Variants in GLIS3 observed in about 807,000 individuals in gnomAD.
GLIS3 encodes GLIS family zinc finger 3.
A neutral mutation model predicts 78.6 loss-of-function variants in GLIS3; 53 were observed. The observed-to-expected ratio is 0.67, with a 90% CI of 0.54 to 0.85. The LOEUF (loss-of-function observed/expected upper bound fraction) is 0.85, where lower values mean the gene tolerates loss of function less well. Among genes scored for constraint, GLIS3 ranks in the 40% least tolerant of loss-of-function variants. The pLI is 0.00. For synonymous variants in GLIS3, 684 were observed against 509.9 expected (o/e 1.34, Z -4.60); for missense variants, 1,703 against 1,231.1 (o/e 1.38, Z -5.74).
intron 4 of GLIS3, among the ~76,000 whole-genome samples, chr9:4,010,733 T>C (rs1040997144): frequency 6.6e-6 from 1 of 152,194 alleles, no homozygotes; most frequent in African/African-American, 2.4e-5. Flanking sequence ...CCCTGTCCCA[T>C]GCTCCACCAG....
At chr9:4,081,066 T>A (rs1828519996) in intron 4 of GLIS3, among the ~76,000 whole-genome samples, 1 of 152,198 alleles carries the variant, frequency 6.6e-6, no homozygotes, top group Admixed American at 6.5e-5. Context: ...GAGGGTAGAA[T>A]CTGCCCCAGA....
At chr9:4,107,298 C>T (rs1005607642) in intron 4 of GLIS3, among the ~76,000 whole-genome samples, 6 of 152,154 alleles carry the variant, frequency 3.9e-5, no homozygotes, top group African/African-American at 1.4e-4. Flanking sequence ...TCCTCCTGGA[C>T]ACACAGGAAG....
intron 4 of GLIS3, among the ~76,000 whole-genome samples, chr9:3,964,691 G>A (rs1339534162): frequency 2.0e-5 from 3 of 152,070 alleles, no homozygotes; most frequent in Non-Finnish European, 4.4e-5. Context: ...TAAGACACAG[G>A]GACAGAATTT....
the GLIS3 span, among the ~76,000 whole-genome samples, chr9:4,467,852 G>C: frequency 6.6e-6 from 1 of 152,202 alleles, no homozygotes; most frequent in Non-Finnish European, 1.5e-5. Flanking sequence ...AGCTAAAGGA[G>C]GATGATCAAA....
chr9:4,397,016 CTTTTTTTCTTTTTTT>C, the GLIS3 span, among the ~76,000 whole-genome samples: 4 of 133,382 alleles, frequency 3.0e-5, no homozygotes, highest in South Asian at 2.4e-4. Flanking sequence ...ATCCTTTTTT[CTTTTTTTCTTTTTTT>C]TTTTTTTTTT....
chr9:4,085,803 A>G (rs750646535), intron 4 of GLIS3, among the ~76,000 whole-genome samples: 179 of 152,212 alleles, frequency 1.2e-3, no homozygotes, highest in African/African-American at 4.2e-3. Flanking sequence ...GCTTTTGCTA[A>G]GTGATGTTCA....
At chr9:3,843,897 G>A (rs1818877506) in intron 9 of GLIS3, among the ~76,000 whole-genome samples, 1 of 152,172 alleles carries the variant, frequency 6.6e-6, no homozygotes, top group Non-Finnish European at 1.5e-5. Flanking sequence ...TCATACTTAA[G>A]TGAACTAGAA....
intron 7 of GLIS3, among the ~76,000 whole-genome samples, chr9:3,883,357 G>A (rs1821863750): frequency 6.6e-6 from 1 of 152,174 alleles, no homozygotes; most frequent in Non-Finnish European, 1.5e-5. Flanking sequence ...CTCCATTAAT[G>A]TTTTAAGTCT....
At chr9:4,140,230 G>A (rs1833708227) in intron 2 of GLIS3, among the ~76,000 whole-genome samples, 1 of 152,072 alleles carries the variant, frequency 6.6e-6, no homozygotes, top group Non-Finnish European at 1.5e-5. Context: ...GGGCTAAGGT[G>A]GGAAAATTGC....
chr9:4,321,338 C>T lies in GLIS3; in HGVS notation n.265-10810G>A, dbSNP rs71490230. 1.2e-4 allele frequency among the ~76,000 whole-genome samples: 15 copies of T among 121,172 alleles called. 1 individual carries two copies. The highest frequency in any genetic ancestry group is 2.0e-4 in the Non-Finnish European group (13 of 64,580). The allele number at this position is 121,172 out of a possible 152,430, so 79.5% of individuals were successfully genotyped here. A position where few individuals can be genotyped will look rare whatever the true frequency, so the allele number is the denominator to read the frequency against. On this transcript the variant is annotated intron_variant and non_coding_transcript_variant, in intron 2 of 4. Transcript: ENST00000471664. ...TCGGGAGGCTGAGGCAGGAGAATGG[C>T]GTGAACCCAGGAGGCGGAGCTTGCA...
chr9:4,451,482 C>G, the GLIS3 span, among the ~76,000 whole-genome samples: 1 of 152,270 alleles, frequency 6.6e-6, no homozygotes, highest in East Asian at 1.9e-4. Flanking sequence ...TTGAACTCAG[C>G]TCTGCACCAA....
At chr9:3,950,023 C>G (rs1816570858) in intron 4 of GLIS3, among the ~76,000 whole-genome samples, 1 of 152,166 alleles carries the variant, frequency 6.6e-6, no homozygotes. Flanking sequence ...TAACAATGAC[C>G]TTTTCCCCCA....
intron 2 of GLIS3, among the ~76,000 whole-genome samples, chr9:4,155,959 C>G (rs910203205): frequency 6.6e-6 from 1 of 152,178 alleles, no homozygotes; most frequent in Non-Finnish European, 1.5e-5. Flanking sequence ...CATTTATCCC[C>G]TATTATTCAC....
chr9:4,244,635 T>G (rs1411147133), intron 2 of GLIS3, among the ~76,000 whole-genome samples: 1 of 152,078 alleles, frequency 6.6e-6, no homozygotes, highest in East Asian at 1.9e-4. Flanking sequence ...AATGCAATGG[T>G]GCAATCTTGG....
chr9:3,858,249 G>A (rs1357484268), intron 8 of GLIS3, among the ~76,000 whole-genome samples: 3 of 152,188 alleles, frequency 2.0e-5, no homozygotes, highest in Non-Finnish European at 4.4e-5. Context: ...ATGGGACACA[G>A]AGATGTGTGA....
chr9:4,207,842 G>A (rs967406973), intron 2 of GLIS3, among the ~76,000 whole-genome samples: 4 of 152,158 alleles, frequency 2.6e-5, no homozygotes, highest in Admixed American at 1.3e-4. Flanking sequence ...AAAGCAAAGG[G>A]AATGATCTTT....
the GLIS3 span, among the ~76,000 whole-genome samples, chr9:4,397,567 G>C: frequency 6.6e-6 from 1 of 151,210 alleles, no homozygotes; most frequent in Non-Finnish European, 1.5e-5. Context: ...TAACCCTGCT[G>C]TGTGCTGTCC....
At chr9:4,081,920 G>T (rs1245021660) in intron 4 of GLIS3, among the ~76,000 whole-genome samples, 1 of 152,152 alleles carries the variant, frequency 6.6e-6, no homozygotes, top group African/African-American at 2.4e-5. Flanking sequence ...ACTCCTAGAA[G>T]CCACTGTTCA....
the GLIS3 span, among the ~76,000 whole-genome samples, chr9:4,420,739 G>A: frequency 2.9e-4 from 44 of 152,098 alleles, no homozygotes; most frequent in African/African-American, 1.1e-3. Context: ...CTGAGACTGG[G>A]TAAATTACAA....
Sources: gnomAD v4.1 joint callset for allele counts (sites outside exome capture counted in the v4.1 genomes callset) on GRCh38, gnomAD v4.1.1 for gene constraint, MANE v1.5 for transcripts, NCBI Gene and HGNC (gene_info 2026-07-23, HGNC 2026-07-21) for gene names.